GPHN: variants seen among roughly 807,000 people sequenced by gnomAD.
GPHN encodes gephyrin.
Under a neutral mutation model 95.5 loss-of-function variants are expected in GPHN, and 17 were observed. The observed-to-expected ratio is 0.18, with a 90% confidence interval of 0.12 to 0.27. The LOEUF is 0.27. Ranked by LOEUF, GPHN falls within the 10% of genes least tolerant of loss-of-function variation. GPHN has a pLI of 1.00. For missense variants in GPHN, 660 were observed against 978.1 expected (o/e 0.67, Z 4.34); for synonymous variants, 320 against 322.5 (o/e 0.99, Z 0.08).
intron 1 of GPHN, among the ~76,000 whole-genome samples, chr14:66,545,185 G>C (rs2059502137): frequency 6.6e-6 from 1 of 150,428 alleles, no homozygotes; most frequent in African/African-American, 2.5e-5. Flanking sequence ...CCTCCCGGAC[G>C]GAGCGGCTGG....
chr14:66,676,203 T>A (rs1226772507), intron 1 of GPHN, among the ~76,000 whole-genome samples: 1 of 152,020 alleles, frequency 6.6e-6, no homozygotes, highest in Non-Finnish European at 1.5e-5. Context: ...CTTCCTAGAG[T>A]TTTTTGAAGA....
At chr14:67,412,969 G>A in the GPHN span, among the ~76,000 whole-genome samples, 1 of 152,094 alleles carries the variant, frequency 6.6e-6, no homozygotes, top group Non-Finnish European at 1.5e-5. Context: ...TTGCTATGTT[G>A]CCCAGGCTGG....
chr14:66,801,742 T>C (rs12893928), intron 3 of GPHN, among the ~76,000 whole-genome samples: 104 of 126,320 alleles, frequency 8.2e-4, no homozygotes, highest in Non-Finnish European at 9.2e-4. Context: ...CAGCACAATA[T>C]TGGGTCTTGC....
chr14:66,562,220 G>T (rs977407481), intron 1 of GPHN, among the ~76,000 whole-genome samples: 1 of 152,052 alleles, frequency 6.6e-6, no homozygotes, highest in Non-Finnish European at 1.5e-5. Flanking sequence ...ACTGATAAGA[G>T]ACAGATTAAG....
At chr14:66,710,361 T>G (rs1483151939) in intron 2 of GPHN, among the ~76,000 whole-genome samples, 4 of 152,172 alleles carry the variant, frequency 2.6e-5, no homozygotes, top group African/African-American at 9.6e-5. Context: ...TCCAAAACAT[T>G]GTACATATTA....
intron 1 of GPHN, among the ~76,000 whole-genome samples, chr14:66,539,987 C>A (rs1200926848): frequency 6.6e-6 from 1 of 152,180 alleles, no homozygotes; most frequent in Non-Finnish European, 1.5e-5. Context: ...TTTGAAACAG[C>A]AAAATCTATT....
chr14:67,064,144 G>A (rs146354359), intron 11 of GPHN, among the ~76,000 whole-genome samples: 1 of 152,070 alleles, frequency 6.6e-6, no homozygotes, highest in Admixed American at 6.5e-5. Flanking sequence ...TAGCATGAAG[G>A]GCTGTTGAGT....
At chr14:67,234,630 A>G in the GPHN span, among the ~76,000 whole-genome samples, 136 of 152,076 alleles carry the variant, frequency 8.9e-4, no homozygotes, top group African/African-American at 3.1e-3. Flanking sequence ...GCTCACTGCA[A>G]CTTCCTCCCA....
At chr14:66,836,879 C>A (rs2153504554) in intron 4 of GPHN, among the ~76,000 whole-genome samples, 1 of 151,662 alleles carries the variant, frequency 6.6e-6, no homozygotes, top group African/African-American at 2.4e-5. Context: ...AAATGCAAAT[C>A]AAAACCACAA....
intron 2 of GPHN, among the ~76,000 whole-genome samples, chr14:66,718,619 T>C (rs187633337): frequency 4.9e-4 from 75 of 152,300 alleles, no homozygotes; most frequent in Non-Finnish European, 8.7e-4. Flanking sequence ...AGAGTGCTGA[T>C]TGGTGCGTTT....
the GPHN span, among the ~76,000 whole-genome samples, chr14:67,479,092 T>C: frequency 5.9e-5 from 9 of 152,236 alleles, no homozygotes. Context: ...ATAACTTTTA[T>C]AAAACTAAAA....
At chr14:67,345,910 A>G in the GPHN span, 4 of 1,307,860 alleles carry the variant, frequency 3.1e-6, no homozygotes, top group East Asian at 6.9e-5. Flanking sequence ...AATTAGAGTA[A>G]AATATCTTCC....
the GPHN span, chr14:67,562,850 G>C: frequency 6.2e-7 from 1 of 1,613,554 alleles, no homozygotes; most frequent in Non-Finnish European, 8.5e-7. Flanking sequence ...AGTGGAGCTG[G>C]GTAACAAGCC....
chr14:66,989,332 G>A (rs552023157), intron 9 of GPHN, among the ~76,000 whole-genome samples: 102 of 151,930 alleles, frequency 6.7e-4, no homozygotes, highest in African/African-American at 2.2e-3. Context: ...TTTAATATGT[G>A]TATTTTAGTC....
At chr14:67,034,638 G>C (rs540304774) in intron 10 of GPHN, among the ~76,000 whole-genome samples, 6 of 152,130 alleles carry the variant, frequency 3.9e-5, no homozygotes, top group African/African-American at 1.4e-4. Flanking sequence ...GAGAGCAGTG[G>C]TGGCCATAGT....
chr14:66,859,860 T>C (rs955176069), intron 4 of GPHN, among the ~76,000 whole-genome samples: 1 of 152,138 alleles, frequency 6.6e-6, no homozygotes, highest in Non-Finnish European at 1.5e-5. Flanking sequence ...AGTCTCTTAA[T>C]AGCAGAATCG....
chr14:66,633,343 A>C (rs898613361), intron 1 of GPHN, among the ~76,000 whole-genome samples: 13 of 152,188 alleles, frequency 8.5e-5, no homozygotes, highest in Admixed American at 7.9e-4. Flanking sequence ...TACTTTATTA[A>C]GGAATCAACA....
chr14:67,125,743 C>T (rs1014923520), intron 17 of GPHN, among the ~76,000 whole-genome samples: 1 of 151,352 alleles, frequency 6.6e-6, no homozygotes, highest in African/African-American at 2.4e-5. Flanking sequence ...TGCCACTGCA[C>T]TCCAGCCTGG....
At chr14:67,644,485 C>T in the GPHN span, among the ~76,000 whole-genome samples, 3 of 152,182 alleles carry the variant, frequency 2.0e-5, no homozygotes, top group African/African-American at 4.8e-5. Flanking sequence ...TGGGACATGG[C>T]ACCTAGAATA....
Sources: allele counts gnomAD v4.1 joint callset (sites outside exome capture counted in the v4.1 genomes callset), GRCh38; gene constraint gnomAD v4.1.1; transcripts MANE v1.5; gene names NCBI Gene and HGNC (gene_info 2026-07-23, HGNC 2026-07-21).